DAB1: variants seen among roughly 807,000 people sequenced by gnomAD.
The protein encoded by DAB1 is DAB adaptor protein 1, also known as disabled homolog 1.
Under a neutral mutation model 64.6 loss-of-function variants are expected in DAB1, and 15 were observed. The ratio of observed to expected loss-of-function variants is 0.23; its 90% CI spans 0.16 to 0.36. The LOEUF is 0.36. Ranked by LOEUF, DAB1 falls within the 10% of genes least tolerant of loss-of-function variation. The pLI, the probability that DAB1 is intolerant of heterozygous loss-of-function variation, is 1.00. For missense variants in DAB1, 596 were observed against 706.7 expected (o/e 0.84, Z 1.78); for synonymous variants, 235 against 251.9 (o/e 0.93, Z 0.64).
intron 5 of DAB1, among the ~76,000 whole-genome samples, chr1:58,001,525 G>A (rs1367411095): frequency 6.6e-6 from 1 of 152,178 alleles, no homozygotes; most frequent in African/African-American, 2.4e-5. Context: ...CTCCCAAGGT[G>A]CTGGGATTAC....
chr1:58,541,439 G>A (rs1327366291), intron 1 of DAB1: 2 of 148,934 alleles, frequency 1.3e-5, no homozygotes, highest in East Asian at 3.9e-4. Flanking sequence ...ACTGCTTGAG[G>A]AGTTGTAGGA....
intron 4 of DAB1, among the ~76,000 whole-genome samples, chr1:58,306,218 C>CAA (rs111553183): frequency 0.024 from 3,579 of 151,730 alleles, 140 homozygotes; most frequent in African/African-American, 0.078. Flanking sequence ...CCTTAAGGAG[C>CAA]AAAACAAGCT....
intron 3 of DAB1, among the ~76,000 whole-genome samples, chr1:57,140,935 A>G (rs1200375314): frequency 2.0e-5 from 3 of 152,140 alleles, no homozygotes; most frequent in African/African-American, 7.2e-5. Context: ...CAGATGTATG[A>G]TGTACATGAA....
chr1:57,362,483 T>C (rs1411659594), intron 1 of DAB1, among the ~76,000 whole-genome samples: 2 of 152,196 alleles, frequency 1.3e-5, no homozygotes, highest in Non-Finnish European at 2.9e-5. Context: ...ATGGTTGGAA[T>C]GTTTTAAAGT....
chr1:57,133,940 A>C (rs1230669981), intron 4 of DAB1, among the ~76,000 whole-genome samples: 3 of 152,186 alleles, frequency 2.0e-5, no homozygotes, highest in African/African-American at 7.2e-5. Flanking sequence ...TCCTGCTCAT[A>C]ATTTCCAGTA....
intron 2 of DAB1, among the ~76,000 whole-genome samples, chr1:57,212,687 C>T (rs1469737566): frequency 6.6e-6 from 1 of 152,088 alleles, no homozygotes; most frequent in Admixed American, 6.5e-5. Flanking sequence ...ATTTACAAAG[C>T]ACATTCATAT....
chr1:57,034,758 G>T (rs1647084080), intron 9 of DAB1, among the ~76,000 whole-genome samples: 1 of 152,144 alleles, frequency 6.6e-6, no homozygotes, highest in South Asian at 2.1e-4. Context: ...CATTAAAATG[G>T]AGTTATTACG....
chr1:57,252,782 T>TC, intron 2 of DAB1, among the ~76,000 whole-genome samples: 1 of 152,288 alleles, frequency 6.6e-6, no homozygotes, highest in Non-Finnish European at 1.5e-5. Flanking sequence ...TAAGTCCCTG[T>TC]CGACAGCTGG....
intron 1 of DAB1, among the ~76,000 whole-genome samples, chr1:57,858,497 T>G (rs929305073): frequency 7.9e-5 from 12 of 151,660 alleles, no homozygotes; most frequent in Non-Finnish European, 8.8e-5. Flanking sequence ...CTCTGTGATG[T>G]AGATAGATGA....
chr1:58,512,831 G>C (rs1207149384), intron 2 of DAB1, among the ~76,000 whole-genome samples: 1 of 152,142 alleles, frequency 6.6e-6, no homozygotes, highest in Non-Finnish European at 1.5e-5. Context: ...CTGATATACA[G>C]CATGTGCCTA....
At chr1:58,207,859 G>T (rs1013094418) in intron 4 of DAB1, among the ~76,000 whole-genome samples, 12 of 152,174 alleles carry the variant, frequency 7.9e-5, no homozygotes, top group African/African-American at 2.9e-4. Context: ...AGTTGTATTA[G>T]TTTGTTCTCA....
chr1:58,229,544 T>C (rs930900744), intron 4 of DAB1, among the ~76,000 whole-genome samples: 4 of 151,910 alleles, frequency 2.6e-5, no homozygotes, highest in Non-Finnish European at 5.9e-5. Context: ...CTGGGGGTGA[T>C]GGGAATACAG....
intron 4 of DAB1, among the ~76,000 whole-genome samples, chr1:58,163,771 A>T (rs1655671755): frequency 6.6e-6 from 1 of 152,060 alleles, no homozygotes; most frequent in Admixed American, 6.5e-5. Context: ...AGGGTCAATA[A>T]CTCCACTGGT....
intron 6 of DAB1, among the ~76,000 whole-genome samples, chr1:57,668,046 T>A (rs1193364522): frequency 6.6e-6 from 1 of 151,950 alleles, no homozygotes; most frequent in East Asian, 1.9e-4. Context: ...AAAAAATTTT[T>A]AAAAAGAAAT....
chr1:58,534,051 T>C, intron 1 of DAB1: 1 of 870,624 alleles, frequency 1.1e-6, no homozygotes, highest in Non-Finnish European at 2.0e-6. Context: ...AAAACAAACA[T>C]TTGTCCATTC....
intron 6 of DAB1, among the ~76,000 whole-genome samples, chr1:57,707,991 G>A (rs1646987686): frequency 6.6e-6 from 1 of 151,750 alleles, no homozygotes; most frequent in Non-Finnish European, 1.5e-5. Flanking sequence ...CTCCATGTGG[G>A]CTGCCCTGAG....
chr1:57,063,198 A>G (rs1174416330), intron 8 of DAB1, among the ~76,000 whole-genome samples: 1 of 152,138 alleles, frequency 6.6e-6, no homozygotes, highest in Non-Finnish European at 1.5e-5. Flanking sequence ...TTCTCGCAGA[A>G]TCAAAGACTA....
At chr1:57,015,788 C>A (rs1187132499) in intron 11 of DAB1, among the ~76,000 whole-genome samples, 2 of 152,302 alleles carry the variant, frequency 1.3e-5, no homozygotes, top group African/African-American at 4.8e-5. Flanking sequence ...TTTCTCCTTG[C>A]CTCCTCTTCC....
chr1:57,129,225 C>T (rs926895281), intron 4 of DAB1, among the ~76,000 whole-genome samples: 3 of 152,118 alleles, frequency 2.0e-5, no homozygotes, highest in Non-Finnish European at 4.4e-5. Flanking sequence ...TCCCTTTTCC[C>T]CTGTCATGAA....
Sources: allele counts gnomAD v4.1 joint callset (sites outside exome capture counted in the v4.1 genomes callset), GRCh38; gene constraint gnomAD v4.1.1; transcripts MANE v1.5; gene names NCBI Gene and HGNC (gene_info 2026-07-23, HGNC 2026-07-21).